The following LARGE1 variants were observed in gnomAD, a reference collection of about 807,000 sequenced individuals.
The protein encoded by LARGE1 is LARGE xylosyl- and glucuronyltransferase 1.
LARGE1 carries 43 observed loss-of-function variants against 87.6 expected under a neutral mutation model. The observed-to-expected ratio is 0.49, with a 90% CI of 0.38 to 0.63. LARGE1 has a LOEUF of 0.63. Among genes scored for constraint, LARGE1 ranks in the 30% least tolerant of loss-of-function variants. The probability of loss-of-function intolerance (pLI) is 0.00; values close to 1 mark genes in which losing one functional copy is unlikely to be tolerated. For synonymous variants in LARGE1, 434 were observed against 394.6 expected (o/e 1.10, Z -1.18); for missense variants, 802 against 1,000.2 (o/e 0.80, Z 2.67).
chr22:33,158,977 T>C (rs1292448245), downstream of LARGE1, among the ~76,000 whole-genome samples: 2 of 152,230 alleles, frequency 1.3e-5, no homozygotes, highest in African/African-American at 4.8e-5. Context: ...CATTTGACTA[T>C]AGAATGTATA....
In LARGE1 at chr22:33,366,071, A is replaced by G. The variant is rs75716559; in HGVS notation, c.1131+15848T>C. The stretch of plus-strand genomic sequence containing the variant: ...AAGGCCAGTTTCCCTTTTCATTTAA[A>G]AAATAAAAGTTTAATTTGGCCCTTC... On this transcript the variant is annotated intron_variant, in intron 9 of 14. Coordinates refer to ENST00000397394, the MANE Select transcript of LARGE1 (RefSeq NM_133642.5). Among the ~76,000 whole-genome samples, 736 of 152,346 alleles carry G rather than the reference A, an allele frequency of 4.8e-3. 1 individual carries two copies. Among genetic ancestry groups the G allele is most frequent in the Middle Eastern group, 0.031 (9 of 294 alleles).
chr22:33,795,041 T>C (rs1160441874), intron 1 of LARGE1, among the ~76,000 whole-genome samples: 1 of 152,232 alleles, frequency 6.6e-6, no homozygotes, highest in Non-Finnish European at 1.5e-5. Context: ...CTTCAGCATG[T>C]CATAGGACTC....
At chr22:33,378,535 G>A (rs983434494) in intron 9 of LARGE1, among the ~76,000 whole-genome samples, 1 of 152,094 alleles carries the variant, frequency 6.6e-6, no homozygotes, top group African/African-American at 2.4e-5. Flanking sequence ...TTGGCCTATT[G>A]TCCCTCTGTA....
intron 11 of LARGE1, among the ~76,000 whole-genome samples, chr22:33,252,251 T>TTC (rs1927041347): frequency 9.0e-6 from 1 of 111,522 alleles, no homozygotes. Context: ...ATTCCTTCAT[T>TTC]CCCCCCCCCC....
chr22:33,171,703 G>C (rs1248756552), intron 11 of LARGE1, among the ~76,000 whole-genome samples: 2 of 152,212 alleles, frequency 1.3e-5, no homozygotes, highest in Non-Finnish European at 2.9e-5. Context: ...TGAGGTTTGG[G>C]AATGTCCACC....
intron 7 of LARGE1, among the ~76,000 whole-genome samples, chr22:33,401,944 C>G (rs769474984): frequency 1.3e-5 from 2 of 152,180 alleles, no homozygotes; most frequent in African/African-American, 4.8e-5. Flanking sequence ...CCCCAGCATC[C>G]CTTGCTGATG....
intron 2 of LARGE1, among the ~76,000 whole-genome samples, chr22:33,719,097 G>A (rs914073996): frequency 3.9e-5 from 6 of 152,042 alleles, no homozygotes; most frequent in Non-Finnish European, 7.4e-5. Flanking sequence ...CTGTATCTTT[G>A]TTTTCAACAA....
At chr22:33,203,692 T>C (rs993984044) in intron 11 of LARGE1, among the ~76,000 whole-genome samples, 2 of 152,186 alleles carry the variant, frequency 1.3e-5, no homozygotes, top group Non-Finnish European at 2.9e-5. Flanking sequence ...CCCCAGCAAC[T>C]CAAGCATTTG....
At chr22:33,874,666 C>T (rs777155077) in intron 1 of LARGE1, among the ~76,000 whole-genome samples, 1 of 152,138 alleles carries the variant, frequency 6.6e-6, no homozygotes. Flanking sequence ...GGAGTCAGGT[C>T]CCCCTGGGTT....
At position 33,390,917 on chromosome 22, in the gene LARGE1, G is replaced by A. The variant is rs184280012; in HGVS notation, c.893-6613C>T. ...TCACCATGTTAGCCAGGCTGGTCTC[G>A]AATTCCTGAACTCAAGTGATCCGCC... On this transcript the variant is annotated intron_variant, in intron 7 of 14. Coordinates refer to ENST00000397394, the MANE Select transcript of LARGE1 (RefSeq NM_133642.5). Among the ~76,000 whole-genome samples, 443 of 152,236 alleles carry A rather than the reference G, an allele frequency of 2.9e-3. 2 individuals carry two copies. Among genetic ancestry groups the A allele is most frequent in the Non-Finnish European group, 3.7e-3 (255 of 68,018 alleles).
At chr22:33,112,019 G>A in the LARGE1 span, among the ~76,000 whole-genome samples, 3 of 152,220 alleles carry the variant, frequency 2.0e-5, no homozygotes, top group Non-Finnish European at 4.4e-5. Flanking sequence ...AGGGTTCAAA[G>A]CCATATAAGG....
chr22:33,451,559 C>G (rs2067922396), intron 6 of LARGE1, among the ~76,000 whole-genome samples: 1 of 137,926 alleles, frequency 7.3e-6, no homozygotes, highest in African/African-American at 2.9e-5. Flanking sequence ...GGGAGTATCT[C>G]ATTCTTTTTT....
Position 33,547,983 on chromosome 22 carries a change from G to A in LARGE1, c.787+16865C>T, listed in dbSNP as rs543819179. Among the ~76,000 whole-genome samples, 7 of 151,954 alleles carry A rather than the reference G, an allele frequency of 4.6e-5. No individual in the cohort carries two copies. In the East Asian group the frequency reaches 1.4e-3, roughly 29 times the overall value. On this transcript the variant is annotated intron_variant, in intron 6 of 14. Transcript: ENST00000397394. ...AGAAAATAAAGAGTCCATCACTGCC[G>A]ACCAACCCTACCCCACCCCCCAACT...
Position 33,617,644 on chromosome 22 carries a change from G to A in LARGE1, c.491+8600C>T, listed in dbSNP as rs738963. ...CTTCTGCCTGGCCAGGCCAGCTTGG[G>A]TACACATCTTAATACAGAGTGGTCC... On this transcript the variant is annotated intron_variant, in intron 4 of 14. Coordinates refer to ENST00000397394, the MANE Select transcript of LARGE1 (RefSeq NM_133642.5). Among the ~76,000 whole-genome samples the A allele has an allele frequency of 5.3e-3, 808 of 152,310 alleles. 6 individuals are homozygous for A. The highest frequency in any genetic ancestry group is 9.2e-3 in the Non-Finnish European group (626 of 68,034).
At chr22:33,780,086 C>T (rs2085371085) in intron 1 of LARGE1, among the ~76,000 whole-genome samples, 1 of 152,180 alleles carries the variant, frequency 6.6e-6, no homozygotes, top group Admixed American at 6.5e-5. Flanking sequence ...CCTGGTAGGA[C>T]CTTAGCTTGT....
intron 10 of LARGE1, among the ~76,000 whole-genome samples, chr22:33,329,426 T>G (rs1038397344): frequency 2.4e-5 from 3 of 124,446 alleles, no homozygotes; most frequent in African/African-American, 9.4e-5. Flanking sequence ...CCTTTGTGGG[T>G]TTTTTTTTTG....
At chr22:33,395,956 C>T (rs529187677) in intron 7 of LARGE1, among the ~76,000 whole-genome samples, 1 of 152,340 alleles carries the variant, frequency 6.6e-6, no homozygotes, top group Admixed American at 6.5e-5. Context: ...GAACGATTTG[C>T]CCCTTTTCCC....
chr22:33,316,116 C>A lies in LARGE1; in HGVS notation c.1420G>T (p.Val474Phe), dbSNP rs150861748. The A allele has an allele frequency of 6.2e-7, 1 of 1,613,970 alleles. No homozygotes were observed. Among genetic ancestry groups the A allele is most frequent in the South Asian group, 1.1e-5 (1 of 91,060 alleles). Residue 474 changes from valine to phenylalanine, a missense_variant, in exon 11 of 15, where the codon GTC (valine) becomes TTC (phenylalanine). Val to Phe is a conservative substitution (Grantham distance 50, BLOSUM62 -1). Coordinates refer to ENST00000397394, the MANE Select transcript of LARGE1 (RefSeq NM_133642.5). Reference protein sequence around the residue: ...EYEPAADSTDVTLVAQLSMDR... With the variant: ...EYEPAADSTDFTLVAQLSMDR... ...ATGGACAGCTGAGCGACCAGGGTGA[C>A]GTCCGTGCTGTCTGCTGCAGGCTCA...
chr22:33,199,694 T>C (rs1215549796), intron 11 of LARGE1, among the ~76,000 whole-genome samples: 6 of 152,212 alleles, frequency 3.9e-5, no homozygotes, highest in Non-Finnish European at 5.9e-5. Context: ...TTCTTGGTTC[T>C]CTATTCTGTT....
Sources: allele counts gnomAD v4.1 joint callset (sites outside exome capture counted in the v4.1 genomes callset), GRCh38; gene constraint gnomAD v4.1.1; transcripts MANE v1.5; gene names NCBI Gene and HGNC (gene_info 2026-07-23, HGNC 2026-07-21).